The following LAMC3 variants were observed in gnomAD, a reference collection of about 807,000 sequenced individuals.
LAMC3 encodes laminin subunit gamma-3.
Under a neutral mutation model 173.8 loss-of-function variants are expected in LAMC3, and 128 were observed. The observed-to-expected ratio is 0.74, with a 90% CI of 0.64 to 0.85. LAMC3 has a LOEUF of 0.85. Ranked by LOEUF, LAMC3 falls within the 40% of genes least tolerant of loss-of-function variation. The probability of loss-of-function intolerance (pLI) is 0.00; values close to 1 mark genes in which losing one functional copy is unlikely to be tolerated. For synonymous variants in LAMC3, 897 were observed against 909.1 expected (o/e 0.99, Z 0.24); for missense variants, 2,022 against 2,156.0 (o/e 0.94, Z 1.23).
In LAMC3 at chr9:131,070,816, G is replaced by A. The variant is rs186302441; in HGVS notation, c.3070-668G>A. Among the ~76,000 whole-genome samples the A allele has an allele frequency of 4.6e-5, 7 of 152,316 alleles. No individual in the cohort carries two copies. In the East Asian group the frequency reaches 9.6e-4, roughly 21 times the overall value. On this transcript the variant is annotated intron_variant, in intron 17 of 27. Coordinates refer to ENST00000361069, the MANE Select transcript of LAMC3 (RefSeq NM_006059.4). ...GTGATATTTATGCAGGAAAACAGACGACTATTTCCACGAAGTGGGTAAATG... is the reference window on the plus strand; with the variant it reads ...GTGATATTTATGCAGGAAAACAGACAACTATTTCCACGAAGTGGGTAAATG...
chr9:131,088,115 C>A (rs1474633135), intron 27 of LAMC3, among the ~76,000 whole-genome samples: 1 of 152,200 alleles, frequency 6.6e-6, no homozygotes, highest in African/African-American at 2.4e-5. Flanking sequence ...TTGGCAAGAA[C>A]ACCCACAGGC....
chr9:131,044,465 G>A (rs1044838922), intron 7 of LAMC3, among the ~76,000 whole-genome samples: 6 of 152,116 alleles, frequency 3.9e-5, no homozygotes, highest in South Asian at 2.1e-4. Context: ...AGCTGAAATC[G>A]TGCCACTGCA....
At position 131,062,439 on chromosome 9, in the gene LAMC3, A is replaced by T. The variant is rs111643575; in HGVS notation, c.2347+1216A>T. On this transcript the variant is annotated intron_variant, in intron 13 of 27. Transcript: ENST00000361069. ...TTTTTATTATGGTAAAATATATATA[A>T]CGTAAAATTTGCCATTTTAACCATT... Among the ~76,000 whole-genome samples, 1,468 of 152,338 alleles carry T rather than the reference A, an allele frequency of 9.6e-3. 26 individuals carry two copies. The highest frequency in any genetic ancestry group is 0.033 in the African/African-American group (1,361 of 41,568).
chr9:131,077,676 C>CAA lies in LAMC3; in HGVS notation c.3777+378_3777+379dup, dbSNP rs56320740. ...TGGGCGACAGAGCAAGACTCCATCT[C>CAA]AAAAAAAAAAAAAAAAAAAAAAAAA... is the stretch of plus-strand genomic sequence containing the variant. On this transcript the variant is annotated intron_variant, in intron 22 of 27. Coordinates refer to ENST00000361069, the MANE Select transcript of LAMC3 (RefSeq NM_006059.4). Among the ~76,000 whole-genome samples, 48 of 27,724 alleles carry CAA rather than the reference C, an allele frequency of 1.7e-3. 11 individuals carry two copies. Among genetic ancestry groups the CAA allele is most frequent in the East Asian group, 7.3e-3 (4 of 546 alleles). 18.2% of individuals were successfully genotyped at this position (27,724 alleles called of 152,430 possible).
intron 21 of LAMC3, among the ~76,000 whole-genome samples, 189 bp downstream of exon 21, chr9:131,076,154 C>T (rs1265220571): frequency 1.3e-5 from 2 of 152,088 alleles, no homozygotes; most frequent in South Asian, 2.1e-4. Flanking sequence ...TGGTGAGTCG[C>T]AGTAACCCAC....
intron 8 of LAMC3, among the ~76,000 whole-genome samples, chr9:131,047,575 G>T (rs1834193956): frequency 1.3e-5 from 2 of 151,684 alleles, no homozygotes; most frequent in South Asian, 2.1e-4. Flanking sequence ...ACTGTGGCTG[G>T]GCGCAGTGGC....
intron 20 of LAMC3, among the ~76,000 whole-genome samples, chr9:131,075,027 G>T (rs1830099346): frequency 6.6e-6 from 1 of 152,178 alleles, no homozygotes; most frequent in Non-Finnish European, 1.5e-5. Flanking sequence ...ACTTTGGGAG[G>T]CTGAGGCATG....
intron 25 of LAMC3, chr9:131,085,955 TG>T (rs1830325056): frequency 3.3e-6 from 2 of 605,880 alleles, no homozygotes; most frequent in Admixed American, 5.1e-5. Context: ...GCCAGCTTCA[TG>T]AACTTAACCA....
intron 3 of LAMC3, among the ~76,000 whole-genome samples, chr9:131,034,821 G>A (rs970330300): frequency 1.3e-5 from 2 of 152,198 alleles, no homozygotes; most frequent in African/African-American, 2.4e-5. Flanking sequence ...GGGCACCCCT[G>A]TTCCTGCCTG....
intron 10 of LAMC3, 49 bp downstream of exon 10, chr9:131,052,732 C>A: frequency 6.5e-7 from 1 of 1,549,518 alleles, no homozygotes; most frequent in Non-Finnish European, 8.9e-7. Flanking sequence ...GAGGGGTGGT[C>A]TCTGAGGTCC....
intron 8 of LAMC3, 83 bp downstream of exon 8, chr9:131,045,743 T>C: frequency 1.3e-6 from 2 of 1,520,556 alleles, no homozygotes; most frequent in Non-Finnish European, 9.1e-7. Context: ...GATCTTGCAT[T>C]AGTGGATCTC....
At position 131,019,134 on chromosome 9, in the gene LAMC3, C is replaced by T. The variant is rs111449751; in HGVS notation, c.374-7151C>T. Among the ~76,000 whole-genome samples, 57 of 152,286 alleles carry T rather than the reference C, an allele frequency of 3.7e-4. 1 individual carries two copies. Among genetic ancestry groups the T allele is most frequent in the Middle Eastern group, 3.4e-3 (1 of 294 alleles). On this transcript the variant is annotated intron_variant, in intron 1 of 27. Transcript: ENST00000361069. Reference sequence around the variant, plus strand: ...AAAATTAGCCAGGCTTGGTGGTGCACGCTTGTAATCCCTGCTACTCAGGAG... The same window carrying T: ...AAAATTAGCCAGGCTTGGTGGTGCATGCTTGTAATCCCTGCTACTCAGGAG...
intron 1 of LAMC3, among the ~76,000 whole-genome samples, chr9:131,013,606 G>A (rs1448050178): frequency 6.6e-6 from 1 of 152,226 alleles, no homozygotes; most frequent in Non-Finnish European, 1.5e-5. Context: ...TTACTGAGCA[G>A]TGCTGAGAAC....
chr9:131,057,455 T>A (rs1345405712), intron 12 of LAMC3, among the ~76,000 whole-genome samples: 1 of 152,210 alleles, frequency 6.6e-6, no homozygotes, highest in Non-Finnish European at 1.5e-5. Flanking sequence ...GGCTGGCCCT[T>A]TTCCCAGGAA....
At chr9:131,085,832 C>T (rs1365706899) in intron 25 of LAMC3, 109 bp downstream of exon 25, 3 of 1,039,172 alleles carry the variant, frequency 2.9e-6, no homozygotes, top group Admixed American at 2.0e-5. Context: ...TCACTCACTG[C>T]TCAGTGGGCC....
intron 23 of LAMC3, 76 bp downstream of exon 23, chr9:131,079,374 G>A: frequency 6.4e-7 from 1 of 1,568,306 alleles, no homozygotes; most frequent in Non-Finnish European, 8.7e-7. Flanking sequence ...GGTCAGGGTT[G>A]CAGGAGGGAG....
At chr9:131,079,389 G>A in intron 23 of LAMC3, 91 bp downstream of exon 23, 1 of 1,500,416 alleles carries the variant, frequency 6.7e-7, no homozygotes, top group Admixed American at 1.8e-5. Flanking sequence ...AGGGAGAAGG[G>A]CAGAGACAGA....
At chr9:131,037,071 G>A (rs929348403) in intron 4 of LAMC3, among the ~76,000 whole-genome samples, 5 of 152,320 alleles carry the variant, frequency 3.3e-5, no homozygotes, top group Admixed American at 2.6e-4. Flanking sequence ...CAGAACTGGG[G>A]CTGGGCCGGG....
At position 131,009,407 on chromosome 9, in the gene LAMC3, G is replaced by C. The variant is rs535280109; in HGVS notation, c.193G>C (p.Val65Leu). 1.3e-6 allele frequency: 2 copies of C among 1,540,028 alleles called. No individual in the cohort carries two copies. The highest frequency in any genetic ancestry group is 4.9e-5 in the East Asian group (2 of 40,600). Residue 65 changes from valine to leucine, a missense_variant, in exon 1 of 28, where the codon GTG becomes CTG. Physicochemically the swap from Val to Leu is conservative, Grantham distance 32 (BLOSUM62 1). Transcript: ENST00000361069. The surrounding 1 kb of genome is among the most constrained non-coding windows in gnomAD (Gnocchi z 4.3). ...GSPPEDFCPH[V>L]GAAGAGAHCQ... Reference sequence around the variant, plus strand: ...CCCGCCCGAGGACTTCTGTCCCCACGTGGGCGCCGCGGGCGCGGGGGCTCA... The same window carrying C: ...CCCGCCCGAGGACTTCTGTCCCCACCTGGGCGCCGCGGGCGCGGGGGCTCA...
Sources: gnomAD v4.1 joint callset for allele counts (sites outside exome capture counted in the v4.1 genomes callset) on GRCh38, gnomAD v4.1.1 for gene constraint, Gnocchi (gnomAD v3.1) non-coding constraint, MANE v1.5 for transcripts, NCBI Gene and HGNC (gene_info 2026-07-23, HGNC 2026-07-21) for gene names.